Variants in EZH1 observed in about 807,000 individuals in gnomAD.
EZH1 encodes histone-lysine N-methyltransferase EZH1.
A neutral mutation model predicts 100.5 loss-of-function variants in EZH1; 33 were observed. The ratio of observed to expected loss-of-function variants is 0.33; its 90% CI spans 0.25 to 0.44. The LOEUF is 0.44. EZH1 is among the 20% of genes least tolerant of loss of function. The pLI, the probability that EZH1 is intolerant of heterozygous loss-of-function variation, is 1.00. For synonymous variants in EZH1, 272 were observed against 313.8 expected, an observed-to-expected ratio of 0.87 and a Z score of 1.41; for missense variants, 475 against 928.4, an observed-to-expected ratio of 0.51 and a Z score of 6.35.
Position 42,719,217 on chromosome 17 carries a change from A to G in EZH1, c.665-10T>C. On this transcript the variant is annotated splice_polypyrimidine_tract_variant and intron_variant, in intron 7 of 20. Coordinates refer to ENST00000428826, the MANE Select transcript of EZH1 (RefSeq NM_001991.5). ...GAACTCTTTTTGTTGCCTGAATTGGAAATGATAAAAAGCTCCTGAGTGCGA... is the reference window on the plus strand; with the variant it reads ...GAACTCTTTTTGTTGCCTGAATTGGGAATGATAAAAAGCTCCTGAGTGCGA... 1 of 1,605,014 alleles carries G rather than the reference A, an allele frequency of 6.2e-7. No individual in the cohort carries two copies. Among genetic ancestry groups the G allele is most frequent in the East Asian group, 2.2e-5 (1 of 44,786 alleles).
At chr17:42,716,393 G>A (rs914461533) in intron 10 of EZH1, among the ~76,000 whole-genome samples, 3 of 152,162 alleles carry the variant, frequency 2.0e-5, no homozygotes, top group Admixed American at 2.0e-4. Context: ...TCAAATCCAG[G>A]AAGAAGGTAT....
intron 10 of EZH1, 95 bp from the exon 11 acceptor site, chr17:42,713,484 C>T: frequency 8.8e-7 from 1 of 1,141,116 alleles, no homozygotes. Context: ...CATCTGTCTA[C>T]AATAATAGTG....
chr17:42,720,330 C>G lies in EZH1; in HGVS notation c.607G>C (p.Asp203His). Residue 203 changes from aspartate to histidine, a missense_variant, in exon 7 of 21, where the codon GAT (aspartate) becomes CAT (histidine). By Grantham distance (81) the Asp-to-His change is moderately conservative. Coordinates refer to ENST00000428826, the MANE Select transcript of EZH1 (RefSeq NM_001991.5). ...GHNDTSDGKQ[D>H]DSKEDLPVTR... Reference sequence around the variant, plus strand: ...ACTGGCAGATCTTCTTTGCTGTCATCCTGCTTTCCATCTGAGGTGTCATTG... The same window carrying G: ...ACTGGCAGATCTTCTTTGCTGTCATGCTGCTTTCCATCTGAGGTGTCATTG... 6.2e-7 allele frequency: 1 copy of G among 1,614,156 alleles called. No homozygotes were observed. The highest frequency in any genetic ancestry group is 1.1e-5 in the South Asian group (1 of 91,078).
chr17:42,734,711 G>GGGCT (rs2054031898), intron 1 of EZH1, among the ~76,000 whole-genome samples: 2 of 148,902 alleles, frequency 1.3e-5, no homozygotes, highest in African/African-American at 4.9e-5. Context: ...AAGGAAGGAA[G>GGGCT]GGCTGGGCGC....
rs1018041718 is a variant in EZH1, at chr17:42,724,599, T to C, written c.247-175A>G. 7 of 556,038 alleles carry C rather than the reference T, an allele frequency of 1.3e-5. No homozygotes were observed. In the Admixed American group the frequency reaches 1.9e-4, roughly 15 times the overall value. 34.4% of individuals were successfully genotyped at this position (556,038 alleles called of 1,614,324 possible). The stretch of plus-strand genomic sequence containing the variant: ...CAGTTGGAGACCAGCCAGGCCAACA[T>C]GGTGAAACCCCATCTCTACAAAAAC... On this transcript the variant is annotated intron_variant, in intron 4 of 20. Transcript: ENST00000428826.
At chr17:42,743,480 T>C (rs1202391147) in intron 1 of EZH1, among the ~76,000 whole-genome samples, 3 of 151,508 alleles carry the variant, frequency 2.0e-5, no homozygotes, top group African/African-American at 7.3e-5. Context: ...TTTTTTTTTT[T>C]TTCTTGAGAC....
chr17:42,722,516 T>C (rs1362465886), intron 6 of EZH1, among the ~76,000 whole-genome samples: 2 of 150,832 alleles, frequency 1.3e-5, no homozygotes, highest in Non-Finnish European at 3.0e-5. Context: ...TCCCAGCTAC[T>C]TGGGAGGCTG....
At chr17:42,720,479 G>C in intron 6 of EZH1, 30 bp from the exon 7 acceptor site, 1 of 1,589,178 alleles carries the variant, frequency 6.3e-7, no homozygotes, top group Non-Finnish European at 8.6e-7. Flanking sequence ...AAGATGAGCA[G>C]TGGTCACTTC....
At chr17:42,710,453 T>C (rs895284433) in intron 12 of EZH1, among the ~76,000 whole-genome samples, 1 of 152,162 alleles carries the variant, frequency 6.6e-6, no homozygotes, top group African/African-American at 2.4e-5. Context: ...GTTGGGGCTA[T>C]TGGCCCTTTG....
At chr17:42,737,355 C>T (rs183382187) in intron 1 of EZH1, among the ~76,000 whole-genome samples, 1 of 152,206 alleles carries the variant, frequency 6.6e-6, no homozygotes, top group Non-Finnish European at 1.5e-5. Flanking sequence ...AATTCCAACA[C>T]TTTTGGAGGC....
intron 10 of EZH1, 117 bp from the exon 11 acceptor site, chr17:42,713,506 T>A: frequency 3.3e-6 from 3 of 912,272 alleles, no homozygotes; most frequent in Non-Finnish European, 4.6e-6. Flanking sequence ...CTTTTCTTTT[T>A]CTCTGTACCA....
chr17:42,723,384 A>AG (rs2053755122), intron 5 of EZH1, among the ~76,000 whole-genome samples: 1 of 152,058 alleles, frequency 6.6e-6, no homozygotes, highest in East Asian at 1.9e-4. Context: ...AAAAAAAAAA[A>AG]AAGTTTCATA....
Position 42,701,239 on chromosome 17 carries a change from CA to C in EZH1, c.*1292del, listed in dbSNP as rs1041953022. On this transcript the variant is annotated 3_prime_UTR_variant, in exon 21 of 21. Transcript: ENST00000428826. ...CCCTCCCTCAGGAGTGGGATTTAGGCAGGGACCCTAGAGACCTTAGGCCAAA... is the reference window on the plus strand; with the variant it reads ...CCCTCCCTCAGGAGTGGGATTTAGGCGGGACCCTAGAGACCTTAGGCCAAA... 2.6e-5 allele frequency: 4 copies of C among 152,782 alleles called. No homozygotes were observed. The highest frequency in any genetic ancestry group is 4.8e-5 in the African/African-American group (2 of 41,450). 9.5% of individuals were successfully genotyped at this position (152,782 alleles called of 1,614,324 possible).
At chr17:42,715,631 G>C (rs563212253) in intron 10 of EZH1, among the ~76,000 whole-genome samples, 1 of 152,188 alleles carries the variant, frequency 6.6e-6, no homozygotes, top group East Asian at 1.9e-4. Context: ...GAAGAACACA[G>C]AAATGACACT....
Position 42,717,968 on chromosome 17 carries a change from G to A in EZH1, c.1023+8C>T, listed in dbSNP as rs747976219. ...AGTTAATAATGCCAGAACAGCTTAA[G>A]AACATACCAGCAAAAGGAAGCAGTC... On this transcript the variant is annotated splice_region_variant and intron_variant, in intron 10 of 20. Transcript: ENST00000428826. 1.2e-6 allele frequency: 2 copies of A among 1,613,496 alleles called. No individual in the cohort carries two copies. Among genetic ancestry groups the A allele is most frequent in the Admixed American group, 3.3e-5 (2 of 60,016 alleles).
intron 15 of EZH1, among the ~76,000 whole-genome samples, chr17:42,707,402 C>T (rs996012992): frequency 2.6e-5 from 4 of 152,144 alleles, no homozygotes; most frequent in Non-Finnish European, 5.9e-5. Context: ...GCTGGGACTA[C>T]AAGCATGTAC....
intron 1 of EZH1, among the ~76,000 whole-genome samples, chr17:42,743,153 G>C (rs959960840): frequency 6.0e-5 from 9 of 149,794 alleles, no homozygotes; most frequent in Non-Finnish European, 1.5e-5. Context: ...ACAGGCCTGA[G>C]CCACTGTGCC....
chr17:42,704,102 C>A (rs985372616), intron 18 of EZH1, among the ~76,000 whole-genome samples: 1 of 152,124 alleles, frequency 6.6e-6, no homozygotes, highest in African/African-American at 2.4e-5. Context: ...ACAAACAGAA[C>A]CCAGAAATGG....
chr17:42,722,751 C>A (rs747709053), intron 6 of EZH1, 44 bp downstream of exon 6: 3 of 1,597,166 alleles, frequency 1.9e-6, no homozygotes, highest in Non-Finnish European at 2.6e-6. Context: ...AAAGAAGAGG[C>A]CTGATTCTAA....
Sources: allele counts gnomAD v4.1 joint callset (sites outside exome capture counted in the v4.1 genomes callset), GRCh38; gene constraint gnomAD v4.1.1; transcripts MANE v1.5; gene names NCBI Gene and HGNC (gene_info 2026-07-23, HGNC 2026-07-21).